The following MACROD2 variants were observed in gnomAD, a reference collection of about 807,000 sequenced individuals.
MACROD2 encodes mono-ADP ribosylhydrolase 2.
MACROD2 carries 36 observed loss-of-function variants against 70.4 expected under a neutral mutation model. That is an observed-to-expected ratio of 0.51 (90% confidence interval 0.39 to 0.68). The LOEUF is 0.68. Ranked by LOEUF, MACROD2 falls within the 30% of genes least tolerant of loss-of-function variation. The probability of loss-of-function intolerance (pLI) is 0.00; values close to 1 mark genes in which losing one functional copy is unlikely to be tolerated. For missense variants in MACROD2, 496 were observed against 538.4 expected (o/e 0.92, Z 0.78); for synonymous variants, 172 against 178.8 (o/e 0.96, Z 0.30).
chr20:15,488,891 G>T (rs57930194), intron 7 of MACROD2, among the ~76,000 whole-genome samples: 3,386 of 152,262 alleles, frequency 0.022, 118 homozygotes, highest in African/African-American at 0.077. Flanking sequence ...GGAACAGCTT[G>T]CATAGAATAG....
chr20:15,388,005 C>T (rs972308095), intron 6 of MACROD2, among the ~76,000 whole-genome samples: 24 of 152,178 alleles, frequency 1.6e-4, no homozygotes, highest in African/African-American at 5.1e-4. Flanking sequence ...CCTGTCATGG[C>T]CTCCCAAAGC....
At chr20:14,224,203 A>T (rs114713077) in intron 3 of MACROD2, among the ~76,000 whole-genome samples, 1 of 152,166 alleles carries the variant, frequency 6.6e-6, no homozygotes, top group Non-Finnish European at 1.5e-5. Context: ...GACACATAAA[A>T]CTATCACAGG....
At chr20:15,349,878 T>G (rs2078209003) in intron 6 of MACROD2, among the ~76,000 whole-genome samples, 1 of 152,152 alleles carries the variant, frequency 6.6e-6, no homozygotes, top group African/African-American at 2.4e-5. Flanking sequence ...GAGGTTTCTT[T>G]TGGGGGGACC....
intron 5 of MACROD2, among the ~76,000 whole-genome samples, chr20:14,986,562 A>G (rs537586293): frequency 1.2e-3 from 187 of 152,328 alleles, no homozygotes; most frequent in Non-Finnish European, 2.4e-3. Flanking sequence ...TTAGGTAAAT[A>G]AGCAGATCTG....
At chr20:15,073,979 A>G (rs1004971703) in intron 5 of MACROD2, among the ~76,000 whole-genome samples, 8 of 152,324 alleles carry the variant, frequency 5.3e-5, no homozygotes, top group African/African-American at 1.7e-4. Context: ...TTTAGAATTT[A>G]TAGTCTGCTG....
At chr20:14,225,381 A>T (rs1316293119) in intron 3 of MACROD2, among the ~76,000 whole-genome samples, 1 of 152,212 alleles carries the variant, frequency 6.6e-6, no homozygotes, top group East Asian at 1.9e-4. Context: ...GATTCATCTA[A>T]TAGCTTTCCT....
intron 5 of MACROD2, among the ~76,000 whole-genome samples, chr20:15,170,874 C>G (rs956053309): frequency 6.6e-6 from 1 of 152,210 alleles, no homozygotes; most frequent in Non-Finnish European, 1.5e-5. Context: ...GTGCTGAACA[C>G]CTAGACACCA....
At chr20:16,001,864 T>C (rs184049860) in intron 15 of MACROD2, among the ~76,000 whole-genome samples, 1 of 152,008 alleles carries the variant, frequency 6.6e-6, no homozygotes, top group Non-Finnish European at 1.5e-5. Flanking sequence ...TGTAAGGGAG[T>C]ACTTTTCAAA....
At chr20:15,084,826 A>C (rs2075734635) in intron 5 of MACROD2, among the ~76,000 whole-genome samples, 1 of 152,198 alleles carries the variant, frequency 6.6e-6, no homozygotes, top group African/African-American at 2.4e-5. Flanking sequence ...GTAATGCTGC[A>C]TTAAAACATA....
At position 14,298,394 on chromosome 20, in the gene MACROD2, T is replaced by A. The variant is rs143516712; in HGVS notation, c.272-195085T>A. 5.0e-3 allele frequency among the ~76,000 whole-genome samples: 759 copies of A among 151,596 alleles called. 5 individuals carry two copies. The highest frequency in any genetic ancestry group is 9.5e-3 in the East Asian group (49 of 5,158). ...ACCAGCCTGGCCAACATGGTGAAAC[T>A]CCATCTCTACTAAAAATACAAAAAT... On this transcript the variant is annotated intron_variant, in intron 3 of 17. Transcript: ENST00000684519.
intron 8 of MACROD2, among the ~76,000 whole-genome samples, chr20:15,550,731 C>G (rs1378017930): frequency 6.6e-6 from 1 of 152,154 alleles, no homozygotes. Context: ...TAATCCTGTT[C>G]CCTGCCGGGG....
At chr20:13,999,591 T>A (rs1308233711) in intron 1 of MACROD2, among the ~76,000 whole-genome samples, 2 of 152,200 alleles carry the variant, frequency 1.3e-5, no homozygotes, top group Non-Finnish European at 2.9e-5. Flanking sequence ...GTCCTACTTA[T>A]ACTGCTTAAC....
At chr20:14,466,028 C>T (rs990435212) in intron 3 of MACROD2, among the ~76,000 whole-genome samples, 6 of 151,968 alleles carry the variant, frequency 3.9e-5, no homozygotes, top group East Asian at 3.9e-4. Context: ...TTGCTCTTCT[C>T]GAGGAATATC....
chr20:15,554,559 AAAG>A (rs1437067373), intron 8 of MACROD2, among the ~76,000 whole-genome samples: 1 of 152,002 alleles, frequency 6.6e-6, no homozygotes, highest in Non-Finnish European at 1.5e-5. Flanking sequence ...AAAAAAAAAA[AAAG>A]AAATATCAAA....
rs71340214 is a variant in MACROD2 at position 15,301,591 on chromosome 20, C to CTTTTTTTTTTTTTTTTTTTTTTT, written c.540+71531_540+71553dup. On this transcript the variant is annotated intron_variant, in intron 6 of 17. Coordinates refer to ENST00000684519, the MANE Select transcript of MACROD2 (RefSeq NM_001351661.2). ...GGAAGTTAGTAAGATGGTAGGTGGC[C>CTTTTTTTTTTTTTTTTTTTTTTT]TTTTTTTTTTTTTTTTTTTTTTTGT... Among the ~76,000 whole-genome samples the CTTTTTTTTTTTTTTTTTTTTTTT allele has an allele frequency of 1.2e-3, 100 of 81,246 alleles. 13 individuals carry two copies. Among genetic ancestry groups the CTTTTTTTTTTTTTTTTTTTTTTT allele is most frequent in the Non-Finnish European group, 1.8e-3 (77 of 41,960 alleles). 53.3% of individuals were successfully genotyped at this position (81,246 alleles called of 152,430 possible).
intron 15 of MACROD2, among the ~76,000 whole-genome samples, chr20:16,028,308 G>A (rs1170490283): frequency 6.6e-6 from 1 of 152,032 alleles, no homozygotes; most frequent in Non-Finnish European, 1.5e-5. Context: ...GCTGGCTTGT[G>A]AACTCCATGA....
chr20:15,201,176 G>A (rs556064256), intron 5 of MACROD2, among the ~76,000 whole-genome samples: 1 of 152,248 alleles, frequency 6.6e-6, no homozygotes, highest in East Asian at 1.9e-4. Context: ...ACATGGGTTA[G>A]TGGAAAGTCT....
At chr20:14,242,336 A>G (rs1443413552) in intron 3 of MACROD2, among the ~76,000 whole-genome samples, 1 of 152,170 alleles carries the variant, frequency 6.6e-6, no homozygotes, top group African/African-American at 2.4e-5. Context: ...TTAAGTTTTG[A>G]GGATTGTTCT....
intron 4 of MACROD2, among the ~76,000 whole-genome samples, chr20:14,589,048 T>C (rs1981582293): frequency 6.6e-6 from 1 of 152,206 alleles, no homozygotes; most frequent in Admixed American, 6.5e-5. Flanking sequence ...CCTGTATGAC[T>C]TTCTGTTTCT....
Sources: allele counts gnomAD v4.1 joint callset (sites outside exome capture counted in the v4.1 genomes callset), GRCh38; gene constraint gnomAD v4.1.1; transcripts MANE v1.5; gene names NCBI Gene and HGNC (gene_info 2026-07-23, HGNC 2026-07-21).